The following TAMM41 variants were observed in gnomAD, a reference collection of about 807,000 sequenced individuals.
TAMM41 encodes phosphatidate cytidylyltransferase, mitochondrial.
A neutral mutation model predicts 44.1 loss-of-function variants in TAMM41; 36 were observed. The observed-to-expected ratio is 0.82, with a 90% CI of 0.63 to 1.08. TAMM41 has a LOEUF of 1.08. Ranked by LOEUF, TAMM41 falls within the 50% of genes least tolerant of loss-of-function variation. The probability of loss-of-function intolerance (pLI) is 0.00; values close to 1 mark genes in which losing one functional copy is unlikely to be tolerated. For synonymous variants in TAMM41, 164 were observed against 153.1 expected (o/e 1.07, Z -0.53); for missense variants, 417 against 404.3 (o/e 1.03, Z -0.27).
In TAMM41 at chr3:11,790,454, G is replaced by C; in HGVS notation, c.*51C>G. The C allele has an allele frequency of 1.3e-6, 2 of 1,485,830 alleles. No individual in the cohort carries two copies. The highest frequency in any genetic ancestry group is 1.9e-6 in the Non-Finnish European group (2 of 1,066,510). The allele number at this position is 1,485,830 out of a possible 1,614,324, so 92.0% of individuals were successfully genotyped here. Reference sequence around the variant, plus strand: ...GTAACAAACACTGTTCTGTCAAAAAGGATCAAACACTTTATTCATCTACAC... The same window carrying C: ...GTAACAAACACTGTTCTGTCAAAAACGATCAAACACTTTATTCATCTACAC... On this transcript the variant is annotated 3_prime_UTR_variant, in exon 8 of 8. Transcript: ENST00000455809.
the TAMM41 span, among the ~76,000 whole-genome samples, chr3:11,729,922 AT>A: frequency 6.6e-6 from 1 of 152,066 alleles, no homozygotes; most frequent in Non-Finnish European, 1.5e-5. Flanking sequence ...TATGAAGAAG[AT>A]TGTCCCATTA....
chr3:11,725,454 C>CCTCCTCCTCCTTCTT, the TAMM41 span, among the ~76,000 whole-genome samples: 16 of 137,722 alleles, frequency 1.2e-4, no homozygotes, highest in African/African-American at 4.4e-4. Flanking sequence ...TCCTCCTCCT[C>CCTCCTCCTCCTTCTT]CTTCTTCTTC....
At chr3:11,824,560 C>A (rs1263178871) in intron 4 of TAMM41, among the ~76,000 whole-genome samples, 2 of 151,748 alleles carry the variant, frequency 1.3e-5, no homozygotes, top group Non-Finnish European at 2.9e-5. Context: ...TCCCAAAGTG[C>A]TGGGATTACA....
the TAMM41 span, among the ~76,000 whole-genome samples, chr3:11,776,539 C>A: frequency 6.6e-6 from 1 of 152,160 alleles, no homozygotes; most frequent in Non-Finnish European, 1.5e-5. Flanking sequence ...AGCACAGTAA[C>A]CTGCTGTACA....
At chr3:11,786,286 T>TAATTTTATTATTA (rs532095914), downstream of TAMM41, among the ~76,000 whole-genome samples, 1 of 138,872 alleles carries the variant, frequency 7.2e-6, no homozygotes, top group Non-Finnish European at 1.5e-5. Context: ...TTTATTTAAT[T>TAATTTTATTATTA]TTATTATTAT....
chr3:11,826,830 C>A (rs1452855093), intron 4 of TAMM41: 1 of 152,154 alleles, frequency 6.6e-6, no homozygotes, highest in East Asian at 1.9e-4. Context: ...AATGATACAG[C>A]ACCCAAATCA....
chr3:11,765,916 G>T, the TAMM41 span, among the ~76,000 whole-genome samples: 2 of 151,978 alleles, frequency 1.3e-5, no homozygotes, highest in Middle Eastern at 3.2e-3. Context: ...TAGCCAGGCT[G>T]GTCTCGAACC....
chr3:11,794,443 T>G (rs1372049895), intron 7 of TAMM41, among the ~76,000 whole-genome samples: 1 of 152,146 alleles, frequency 6.6e-6, no homozygotes, highest in Non-Finnish European at 1.5e-5. Flanking sequence ...CAGATTACAT[T>G]AAGCTTACTC....
At chr3:11,796,229 T>A (rs976697544) in intron 7 of TAMM41, among the ~76,000 whole-genome samples, 7 of 152,150 alleles carry the variant, frequency 4.6e-5, no homozygotes, top group Non-Finnish European at 1.0e-4. Context: ...GCTTCCATCT[T>A]TTGTAGGAGT....
chr3:11,775,884 G>A, the TAMM41 span, among the ~76,000 whole-genome samples: 3 of 152,130 alleles, frequency 2.0e-5, no homozygotes, highest in African/African-American at 4.8e-5. Context: ...AGAAGTGTGT[G>A]TGTGTGAGAT....
At chr3:11,844,875 T>A in intron 1 of TAMM41, 1 of 456,084 alleles carries the variant, frequency 2.2e-6, no homozygotes, top group Non-Finnish European at 4.4e-6. Context: ...GATAGAGGAA[T>A]GCAAAATGTA....
intron 6 of TAMM41, chr3:11,808,330 C>T: frequency 9.8e-7 from 1 of 1,015,686 alleles, no homozygotes; most frequent in Middle Eastern, 4.9e-4. Flanking sequence ...ACAAGTTTCA[C>T]TCACCTCAAA....
chr3:11,845,136 G>A (rs1342676885), intron 1 of TAMM41: 1 of 367,310 alleles, frequency 2.7e-6, no homozygotes, highest in South Asian at 2.0e-5. Flanking sequence ...GATGAGATCA[G>A]AGAGGGAGGC....
At chr3:11,834,976 C>G (rs987665605) in intron 3 of TAMM41, among the ~76,000 whole-genome samples, 1 of 152,212 alleles carries the variant, frequency 6.6e-6, no homozygotes, top group Non-Finnish European at 1.5e-5. Context: ...GCATGAGCCA[C>G]CGCACTCGGC....
In TAMM41 at chr3:11,846,871, A is replaced by G; in HGVS notation, c.-235T>C. ...AGGCTCGGGTGGGCGGCGGTCGCAC[A>G]GGCAGAGCTTCCGTCCCTTGCTACG... On this transcript the variant is annotated 5_prime_UTR_variant, in exon 1 of 8. Coordinates refer to ENST00000455809, the MANE Select transcript of TAMM41 (RefSeq NM_001284401.2). 1.8e-6 allele frequency: 1 copy of G among 540,596 alleles called. No individual in the cohort carries two copies. The highest frequency in any genetic ancestry group is 3.3e-6 in the Non-Finnish European group (1 of 300,444). 33.5% of individuals were successfully genotyped at this position (540,596 alleles called of 1,614,324 possible).
chr3:11,749,558 T>A, the TAMM41 span, among the ~76,000 whole-genome samples: 2 of 152,232 alleles, frequency 1.3e-5, no homozygotes, highest in Non-Finnish European at 2.9e-5. Flanking sequence ...GACCTTTCTT[T>A]CTGTTCTCTT....
At chr3:11,724,065 T>C in the TAMM41 span, among the ~76,000 whole-genome samples, 5 of 150,948 alleles carry the variant, frequency 3.3e-5, no homozygotes, top group Admixed American at 1.3e-4. Flanking sequence ...CAAAAGATTT[T>C]ATTTTATTTT....
rs910533667 is a variant in TAMM41 at position 11,799,709 on chromosome 3, G to C, written c.937+8124C>G. Among the ~76,000 whole-genome samples, 5 of 152,324 alleles carry C rather than the reference G, an allele frequency of 3.3e-5. No homozygotes were observed. In the South Asian group the frequency reaches 1.0e-3, roughly 32 times the overall value. On this transcript the variant is annotated intron_variant, in intron 7 of 7. Transcript: ENST00000455809. Reference sequence around the variant, plus strand: ...AATGAAAGCTTCCCAAGTCTAGCAAGTGTGTCAGATATCCAGATACAAGAG... The same window carrying C: ...AATGAAAGCTTCCCAAGTCTAGCAACTGTGTCAGATATCCAGATACAAGAG...
intron 4 of TAMM41, among the ~76,000 whole-genome samples, chr3:11,827,937 C>T (rs909089856): frequency 6.6e-6 from 1 of 152,150 alleles, no homozygotes; most frequent in East Asian, 1.9e-4. Context: ...TTCTCCTGCC[C>T]ACTCCCAGGA....
Sources: allele counts gnomAD v4.1 joint callset (sites outside exome capture counted in the v4.1 genomes callset), GRCh38; gene constraint gnomAD v4.1.1; transcripts MANE v1.5; gene names NCBI Gene and HGNC (gene_info 2026-07-23, HGNC 2026-07-21).